The following TMEFF2 variants were observed in gnomAD, a reference collection of about 807,000 sequenced individuals.
The protein encoded by TMEFF2 is tomoregulin-2.
Under a neutral mutation model 53.8 loss-of-function variants are expected in TMEFF2, and 28 were observed. That is an observed-to-expected ratio of 0.52 (90% CI 0.39 to 0.71). The LOEUF is 0.71. Among genes scored for constraint, TMEFF2 ranks in the 30% least tolerant of loss-of-function variants. The pLI is 0.00. For synonymous variants in TMEFF2, 162 were observed against 166.3 expected (o/e 0.97, Z 0.20); for missense variants, 353 against 455.2 (o/e 0.78, Z 2.04).
rs115482152 is a variant in TMEFF2, at chr2:192,064,171, T to C, written c.440-6396A>G. On this transcript the variant is annotated intron_variant, in intron 4 of 9. Coordinates refer to ENST00000272771, the MANE Select transcript of TMEFF2 (RefSeq NM_016192.4). ...TATGTTTTACCTTATCTCCAATAAA[T>C]TTTTGGTGGGGAAGTAGTGTTTCTT... Among the ~76,000 whole-genome samples, 510 of 151,910 alleles carry C rather than the reference T, an allele frequency of 3.4e-3. 4 individuals carry two copies. Among genetic ancestry groups the C allele is most frequent in the African/African-American group, 0.012 (485 of 41,528 alleles).
At chr2:192,064,263 G>T (rs1383764260) in intron 4 of TMEFF2, among the ~76,000 whole-genome samples, 1 of 151,654 alleles carries the variant, frequency 6.6e-6, no homozygotes, top group East Asian at 1.9e-4. Flanking sequence ...ATTACTTCAT[G>T]AAAAATTTAC....
chr2:192,047,027 TCTC>T (rs1687640319), intron 5 of TMEFF2, among the ~76,000 whole-genome samples: 1 of 152,062 alleles, frequency 6.6e-6, no homozygotes, highest in African/African-American at 2.4e-5. Flanking sequence ...TTCAGGCAAT[TCTC>T]CTGCTTTAGC....
chr2:192,052,737 A>T (rs2105898201), intron 5 of TMEFF2, among the ~76,000 whole-genome samples: 1 of 152,346 alleles, frequency 6.6e-6, no homozygotes, highest in East Asian at 1.9e-4. Context: ...GGATATAAAG[A>T]GAAATGATAT....
chr2:192,060,610 G>A (rs1339172225), intron 4 of TMEFF2, among the ~76,000 whole-genome samples: 9 of 152,052 alleles, frequency 5.9e-5, no homozygotes, highest in African/African-American at 2.2e-4. Flanking sequence ...CTTAGTAAAG[G>A]TCACAGTCAC....
At chr2:192,013,331 C>T (rs1228042691) in intron 5 of TMEFF2, among the ~76,000 whole-genome samples, 1 of 152,184 alleles carries the variant, frequency 6.6e-6, no homozygotes, top group Non-Finnish European at 1.5e-5. Context: ...GCTGTTCCCT[C>T]TGCCTGGAAT....
At position 192,037,323 on chromosome 2, in the gene TMEFF2, A is replaced by AAGAAAGAAAGAAAGAG. The variant is rs1248759654; in HGVS notation, c.536+20355_536+20356insCTCTTTCTTTCTTTCT. Among the ~76,000 whole-genome samples, 2 of 150,766 alleles carry AAGAAAGAAAGAAAGAG rather than the reference A, an allele frequency of 1.3e-5. 1 individual carries two copies. The highest frequency in any genetic ancestry group is 3.9e-4 in the East Asian group (2 of 5,114). On this transcript the variant is annotated intron_variant, in intron 5 of 9. Transcript: ENST00000272771. ...AAAGAAAGAAAGAAAGAAAGAAAGA[A>AAGAAAGAAAGAAAGAG]AGAAAGAAAGAAAAACAGAAAACAG...
At chr2:191,998,152 C>A in intron 7 of TMEFF2, 110 bp downstream of exon 7, 1 of 820,434 alleles carries the variant, frequency 1.2e-6, no homozygotes, top group Non-Finnish European at 1.9e-6. Context: ...AAGGCTAGCA[C>A]ATGTTAGAAG....
At chr2:192,112,475 A>G in intron 4 of TMEFF2, among the ~76,000 whole-genome samples, 1 of 152,128 alleles carries the variant, frequency 6.6e-6, no homozygotes, top group South Asian at 2.1e-4. Context: ...CTGTACCTCT[A>G]TTGTATCCAG....
At chr2:192,007,098 A>G (rs906754862) in intron 5 of TMEFF2, among the ~76,000 whole-genome samples, 1 of 152,202 alleles carries the variant, frequency 6.6e-6, no homozygotes, top group Non-Finnish European at 1.5e-5. Context: ...CTCCAGCCAC[A>G]TCTTTTTTCC....
At chr2:192,126,632 T>C (rs1323137681) in intron 4 of TMEFF2, among the ~76,000 whole-genome samples, 6 of 152,338 alleles carry the variant, frequency 3.9e-5, no homozygotes, top group African/African-American at 1.2e-4. Context: ...TAAGGCATAC[T>C]TGCAACTAGA....
intron 4 of TMEFF2, among the ~76,000 whole-genome samples, chr2:192,165,683 T>C (rs950030383): frequency 5.3e-5 from 8 of 151,350 alleles, no homozygotes; most frequent in African/African-American, 1.7e-4. Flanking sequence ...TCCTCTCCAA[T>C]AACCCCAGGG....
intron 4 of TMEFF2, among the ~76,000 whole-genome samples, chr2:192,155,333 T>G (rs1049013570): frequency 2.0e-5 from 3 of 152,024 alleles, no homozygotes; most frequent in Admixed American, 6.6e-5. Flanking sequence ...TCAGGAACTA[T>G]GTCTATCTGG....
chr2:192,062,772 G>A (rs1688075785), intron 4 of TMEFF2, among the ~76,000 whole-genome samples: 1 of 151,916 alleles, frequency 6.6e-6, no homozygotes, highest in Non-Finnish European at 1.5e-5. Context: ...CTAATATTTT[G>A]TAGAGCATTT....
At chr2:192,107,272 C>T (rs1209584516) in intron 4 of TMEFF2, among the ~76,000 whole-genome samples, 2 of 151,636 alleles carry the variant, frequency 1.3e-5, no homozygotes, top group Non-Finnish European at 3.0e-5. Context: ...ATGAACTGAA[C>T]CCTGGATTCT....
At chr2:192,165,525 C>T (rs1462058145) in intron 4 of TMEFF2, among the ~76,000 whole-genome samples, 1 of 152,014 alleles carries the variant, frequency 6.6e-6, no homozygotes, top group Non-Finnish European at 1.5e-5. Flanking sequence ...GCTGTATGAA[C>T]TTTTGTGAGT....
At chr2:192,104,103 A>C (rs146349697) in intron 4 of TMEFF2, among the ~76,000 whole-genome samples, 5 of 152,294 alleles carry the variant, frequency 3.3e-5, no homozygotes, top group Admixed American at 3.3e-4. Flanking sequence ...CTATTTTAAC[A>C]ATCCAGAGAG....
intron 2 of TMEFF2, among the ~76,000 whole-genome samples, chr2:192,188,642 T>C (rs538222694): frequency 2.2e-4 from 33 of 152,316 alleles, no homozygotes; most frequent in African/African-American, 7.7e-4. Context: ...GCACGACTTA[T>C]TAAATAAAAA....
At chr2:191,981,259 C>G (rs994656051) in intron 7 of TMEFF2, among the ~76,000 whole-genome samples, 1 of 152,184 alleles carries the variant, frequency 6.6e-6, no homozygotes, top group Non-Finnish European at 1.5e-5. Flanking sequence ...AGCCATGAAA[C>G]TATTTGTCAT....
At chr2:192,110,677 A>G (rs1689252527) in intron 4 of TMEFF2, among the ~76,000 whole-genome samples, 1 of 152,064 alleles carries the variant, frequency 6.6e-6, no homozygotes, top group African/African-American at 2.4e-5. Context: ...TTTTTCATTT[A>G]TTGCTGTTTC....
Sources: allele counts gnomAD v4.1 joint callset (sites outside exome capture counted in the v4.1 genomes callset), GRCh38; gene constraint gnomAD v4.1.1; transcripts MANE v1.5; gene names NCBI Gene and HGNC (gene_info 2026-07-23, HGNC 2026-07-21).